The following TMEM131 variants were observed in gnomAD, a reference collection of about 807,000 sequenced individuals.
The protein encoded by TMEM131 is 2610524E03Rik.
A neutral mutation model predicts 211.6 loss-of-function variants in TMEM131; 66 were observed. The observed-to-expected ratio is 0.31, with a 90% CI of 0.26 to 0.38. The LOEUF is 0.38. Among genes scored for constraint, TMEM131 ranks in the 10% least tolerant of loss-of-function variants. The pLI is 1.00. For missense variants in TMEM131, 2,036 were observed against 2,299.3 expected, an observed-to-expected ratio of 0.89 and a Z score of 2.34; for synonymous variants, 844 against 841.3, an observed-to-expected ratio of 1.00 and a Z score of -0.06.
At chr2:97,801,683 G>A (rs1009740287) in intron 25 of TMEM131, among the ~76,000 whole-genome samples, 1 of 151,894 alleles carries the variant, frequency 6.6e-6, no homozygotes, top group African/African-American at 2.4e-5. Context: ...CCATAAATAC[G>A]AACCTTTTAC....
intron 11 of TMEM131, among the ~76,000 whole-genome samples, chr2:97,821,849 C>G (rs920920386): frequency 6.6e-6 from 1 of 152,174 alleles, no homozygotes; most frequent in African/African-American, 2.4e-5. Flanking sequence ...CCCAACTCTT[C>G]AGAGTTGGGA....
At chr2:97,955,794 G>C (rs961636632) in intron 1 of TMEM131, among the ~76,000 whole-genome samples, 2 of 151,938 alleles carry the variant, frequency 1.3e-5, no homozygotes, top group Non-Finnish European at 2.9e-5. Flanking sequence ...GAAAGTGAAA[G>C]CTATGTACAG....
At chr2:97,807,894 C>G (rs903779803) in intron 19 of TMEM131, among the ~76,000 whole-genome samples, 7 of 152,050 alleles carry the variant, frequency 4.6e-5, no homozygotes, top group African/African-American at 1.4e-4. Context: ...TAATTAAGAC[C>G]CAAACTTAAA....
chr2:97,817,998 G>C (rs1171631047), intron 12 of TMEM131, among the ~76,000 whole-genome samples: 2 of 152,120 alleles, frequency 1.3e-5, no homozygotes, highest in Admixed American at 1.3e-4. Flanking sequence ...AAAATGTTGT[G>C]ACAGCAAATT....
intron 1 of TMEM131, among the ~76,000 whole-genome samples, chr2:97,935,836 C>G (rs34974566): frequency 0.31 from 47,086 of 152,110 alleles, 8,615 homozygotes; most frequent in Non-Finnish European, 0.39. Flanking sequence ...AATGTTAATA[C>G]ATTTTTAAAA....
chr2:97,879,414 A>T (rs1453240346), intron 4 of TMEM131, among the ~76,000 whole-genome samples: 1 of 152,158 alleles, frequency 6.6e-6, no homozygotes, highest in Non-Finnish European at 1.5e-5. Context: ...GCCTCAGTTA[A>T]TTTCAGGTTT....
Position 97,796,422 on chromosome 2 carries a change from A to C in TMEM131, c.3014-18T>G, listed in dbSNP as rs1680765129. 2.1e-6 allele frequency: 3 copies of C among 1,449,118 alleles called. No individual in the cohort carries two copies. The African/African-American group carries it at 4.4e-5, about 21-fold the overall frequency. 89.8% of individuals were successfully genotyped at this position (1,449,118 alleles called of 1,614,324 possible). On this transcript the variant is annotated intron_variant, in intron 27 of 40. Coordinates refer to ENST00000186436, the MANE Select transcript of TMEM131 (RefSeq NM_015348.2). ...TTTTAAACCTAAAGGATAAAAAATC[A>C]GGAATAAGACTAAATCTTGCCATCA...
chr2:97,762,994 G>A (rs1261217802), intron 35 of TMEM131: 1 of 152,202 alleles, frequency 6.6e-6, no homozygotes, highest in African/African-American at 2.4e-5. Flanking sequence ...ACTGCAAGAG[G>A]AAGAAGGTGG....
At chr2:97,796,625 G>C (rs1680777973) in intron 27 of TMEM131, among the ~76,000 whole-genome samples, 1 of 152,162 alleles carries the variant, frequency 6.6e-6, no homozygotes, top group Non-Finnish European at 1.5e-5. Context: ...TTCATACTGA[G>C]AGTAAATCAG....
rs775961993 is a variant in TMEM131 at position 97,844,209 on chromosome 2, A to G, written c.536T>C (p.Val179Ala). ...TAAAGTATTTTCTACATTTCCTACTACTCTTGCAAGAAAAACTACATCAAA... is the reference window on the plus strand; with the variant it reads ...TAAAGTATTTTCTACATTTCCTACTGCTCTTGCAAGAAAAACTACATCAAA... ...TSFDVVFLARVVGNVENTLFI... is the reference protein window; with the variant it reads ...TSFDVVFLARAVGNVENTLFI... The change falls in exon 6 of 41, where the codon GTA (valine) becomes GCA (alanine). Residue 179 changes from valine (V) to alanine (A), a missense_variant. By Grantham distance (64) the Val-to-Ala change is moderately conservative. Coordinates refer to ENST00000186436, the MANE Select transcript of TMEM131 (RefSeq NM_015348.2). 7.5e-7 allele frequency: 1 copy of G among 1,334,356 alleles called. No individual in the cohort carries two copies. Among genetic ancestry groups the G allele is most frequent in the Non-Finnish European group, 9.9e-7 (1 of 1,008,474 alleles). The allele number at this position is 1,334,356 out of a possible 1,614,324, so 82.7% of individuals were successfully genotyped here. A position where few individuals can be genotyped will look rare whatever the true frequency, so the allele number is the denominator to read the frequency against.
intron 4 of TMEM131, among the ~76,000 whole-genome samples, chr2:97,883,192 C>T (rs1675006765): frequency 6.6e-6 from 1 of 152,208 alleles, no homozygotes; most frequent in African/African-American, 2.4e-5. Flanking sequence ...AACACAATCA[C>T]ATCAGAGATT....
At chr2:97,842,086 TTG>T (rs1281387104) in intron 6 of TMEM131, 149 bp from the exon 7 acceptor site, 1 of 746,966 alleles carries the variant, frequency 1.3e-6, no homozygotes, top group Non-Finnish European at 1.9e-6. Flanking sequence ...CCCACAAATG[TTG>T]TTTCTGTACA....
rs758122031 is a variant in TMEM131, at chr2:97,759,762, A to G, written c.5109-13T>C. On this transcript the variant is annotated splice_polypyrimidine_tract_variant and intron_variant, in intron 38 of 40. Coordinates refer to ENST00000186436, the MANE Select transcript of TMEM131 (RefSeq NM_015348.2). The stretch of plus-strand genomic sequence containing the variant: ...CCACAAACCCGAGCTAAATGTTACA[A>G]GAGGAAAACGCAACACACAAAAATG... The G allele has an allele frequency of 4.1e-5, 65 of 1,603,352 alleles. No homozygotes were observed. The highest frequency in any genetic ancestry group is 5.5e-5 in the Non-Finnish European group (65 of 1,173,496).
intron 7 of TMEM131, among the ~76,000 whole-genome samples, chr2:97,838,110 G>A (rs1408772854): frequency 6.6e-6 from 1 of 152,112 alleles, no homozygotes; most frequent in Non-Finnish European, 1.5e-5. Context: ...ACATTAATGG[G>A]ACATTTGAGT....
At chr2:97,820,326 G>A (rs1219829433) in intron 11 of TMEM131, among the ~76,000 whole-genome samples, 1 of 152,164 alleles carries the variant, frequency 6.6e-6, no homozygotes, top group Non-Finnish European at 1.5e-5. Flanking sequence ...AGGTGAGTGT[G>A]TGTATTTTTA....
chr2:97,943,821 C>T lies in TMEM131; in HGVS notation c.188-16334G>A, dbSNP rs1420917881. Reference sequence around the variant, plus strand: ...TATCAAGGTTGGGCACAGTGGCTCACGTCTGTAATTCCAGCACTTTGGGAG... The same window carrying T: ...TATCAAGGTTGGGCACAGTGGCTCATGTCTGTAATTCCAGCACTTTGGGAG... On this transcript the variant is annotated intron_variant, in intron 1 of 40. Coordinates refer to ENST00000186436, the MANE Select transcript of TMEM131 (RefSeq NM_015348.2). 2.0e-5 allele frequency among the ~76,000 whole-genome samples: 3 copies of T among 152,288 alleles called. No individual in the cohort carries two copies. In the East Asian group the frequency reaches 5.8e-4, roughly 29 times the overall value.
At position 97,948,688 on chromosome 2, in the gene TMEM131, C is replaced by T. The variant is rs184340819; in HGVS notation, c.188-21201G>A. Among the ~76,000 whole-genome samples the T allele has an allele frequency of 4.6e-4, 70 of 152,004 alleles. No individual in the cohort carries two copies. In the East Asian group the frequency reaches 9.8e-3, roughly 21 times the overall value. On this transcript the variant is annotated intron_variant, in intron 1 of 40. Transcript: ENST00000186436. ...ATTTATTTTTTTTGAGACGGAGCCTCGCGCTGTCGCCCAGGCTGGAGTGCA... is the reference window on the plus strand; with the variant it reads ...ATTTATTTTTTTTGAGACGGAGCCTTGCGCTGTCGCCCAGGCTGGAGTGCA...
chr2:97,793,066 C>T, intron 30 of TMEM131, 82 bp from the exon 31 acceptor site: 2 of 1,021,034 alleles, frequency 2.0e-6, no homozygotes, highest in South Asian at 3.5e-5. Context: ...TTCATCAGTA[C>T]AGCCACCATA....
At chr2:97,878,782 CA>C (rs1674799690) in intron 4 of TMEM131, among the ~76,000 whole-genome samples, 1 of 151,150 alleles carries the variant, frequency 6.6e-6, no homozygotes, top group African/African-American at 2.5e-5. Context: ...ACTACCATGG[CA>C]CATGTGTACC....
Sources: allele counts gnomAD v4.1 joint callset (sites outside exome capture counted in the v4.1 genomes callset), GRCh38; gene constraint gnomAD v4.1.1; transcripts MANE v1.5; gene names NCBI Gene and HGNC (gene_info 2026-07-23, HGNC 2026-07-21).